Variants in POLN observed in about 807,000 individuals in gnomAD.
POLN encodes the protein DNA polymerase nu, also known as DNA polymerase N.
A neutral mutation model predicts 113.5 loss-of-function variants in POLN; 108 were observed. The ratio of observed to expected loss-of-function variants is 0.95; its 90% CI spans 0.81 to 1.12. The LOEUF is 1.12. Among genes scored for constraint, POLN ranks in the 50% most tolerant of loss-of-function variants. POLN has a pLI of 0.00. For synonymous variants in POLN, 386 were observed against 391.5 expected, an observed-to-expected ratio of 0.99 and a Z score of 0.17; for missense variants, 1,097 against 1,077.1, an observed-to-expected ratio of 1.02 and a Z score of -0.26.
chr4:2,227,566 A>T (rs1734428875), intron 3 of POLN: 2 of 152,228 alleles, frequency 1.3e-5, no homozygotes, highest in Admixed American at 6.5e-5. Flanking sequence ...CAAGAGAGAA[A>T]AGTAGTATCA....
intron 19 of POLN, among the ~76,000 whole-genome samples, chr4:2,116,012 C>T (rs1036475467): frequency 3.9e-5 from 6 of 152,338 alleles, no homozygotes; most frequent in Admixed American, 3.3e-4. Context: ...CATCCCATTC[C>T]AGCTTTCTGC....
At chr4:2,198,854 T>C in intron 5 of POLN, 137 bp from the exon 6 acceptor site, 3 of 896,032 alleles carry the variant, frequency 3.3e-6, no homozygotes, top group Non-Finnish European at 4.9e-6. Flanking sequence ...TAATGACAAT[T>C]GAGGGCCAAA....
intron 7 of POLN, among the ~76,000 whole-genome samples, chr4:2,187,124 C>T (rs918680617): frequency 6.6e-6 from 1 of 152,060 alleles, no homozygotes; most frequent in Non-Finnish European, 1.5e-5. Context: ...TAGAAAATTG[C>T]CTCAAAAGAG....
Position 2,129,222 on chromosome 4 carries a change from C to T in POLN, c.1824G>A (p.Arg608=), listed in dbSNP as rs962357641. 21 of 1,600,560 alleles carry T rather than the reference C, an allele frequency of 1.3e-5. No homozygotes were observed. Among genetic ancestry groups the T allele is most frequent in the Non-Finnish European group, 1.7e-5 (20 of 1,167,912 alleles). The change falls in exon 18 of 26, where the codon AGG becomes AGA. Residue 608 remains arginine, a synonymous_variant. Coordinates refer to ENST00000511885, the MANE Select transcript of POLN (RefSeq NM_181808.4). ...KEDKILTISP[R]AMFVSSKGHT... ...GGCCTTTGGATGAAACAAACATGGCCCTCGGGGAGATCGTGAGAATCTTGT... is the reference window on the plus strand; with the variant it reads ...GGCCTTTGGATGAAACAAACATGGCTCTCGGGGAGATCGTGAGAATCTTGT...
chr4:2,097,453 T>C (rs1009535166), intron 19 of POLN, among the ~76,000 whole-genome samples: 3 of 151,938 alleles, frequency 2.0e-5, no homozygotes, highest in Non-Finnish European at 2.9e-5. Context: ...TGGGGTCAAG[T>C]GATTCTCCTG....
At chr4:2,122,282 G>T (rs1731461441) in intron 19 of POLN, among the ~76,000 whole-genome samples, 1 of 152,148 alleles carries the variant, frequency 6.6e-6, no homozygotes, top group Non-Finnish European at 1.5e-5. Context: ...GAGAGCAGGG[G>T]TGTTATTAAA....
At chr4:2,225,483 A>AG (rs887685985) in intron 3 of POLN, among the ~76,000 whole-genome samples, 9 of 151,186 alleles carry the variant, frequency 6.0e-5, no homozygotes, top group African/African-American at 1.7e-4. Context: ...TGAACCCAGG[A>AG]GGGGGGGTTG....
intron 6 of POLN, among the ~76,000 whole-genome samples, chr4:2,196,522 C>T (rs1733577198): frequency 6.6e-6 from 1 of 152,048 alleles, no homozygotes; most frequent in African/African-American, 2.4e-5. Flanking sequence ...CCACCCAATG[C>T]TATGTCCTGA....
chr4:2,229,423 G>T, intron 2 of POLN, 180 bp from the exon 3 acceptor site: 1 of 474,640 alleles, frequency 2.1e-6, no homozygotes, highest in Non-Finnish European at 3.6e-6. Flanking sequence ...AAGCAAAATA[G>T]CTAGAGGCTT....
chr4:2,134,714 G>A (rs748257907), intron 16 of POLN, among the ~76,000 whole-genome samples: 10 of 152,060 alleles, frequency 6.6e-5, no homozygotes, highest in Admixed American at 3.9e-4. Flanking sequence ...GCAGGCTGGG[G>A]GTCTGTCACA....
chr4:2,137,632 C>T (rs1174099184), intron 16 of POLN, among the ~76,000 whole-genome samples: 1 of 152,148 alleles, frequency 6.6e-6, no homozygotes, highest in Non-Finnish European at 1.5e-5. Flanking sequence ...CCGTGGCCCC[C>T]CTCACCCACT....
chr4:2,121,248 A>G (rs1488403187), intron 19 of POLN, among the ~76,000 whole-genome samples: 1 of 152,084 alleles, frequency 6.6e-6, no homozygotes, highest in Non-Finnish European at 1.5e-5. Context: ...CAGGCTGGCC[A>G]ACATGCTGAA....
At chr4:2,136,638 T>G (rs1731864971) in intron 16 of POLN, among the ~76,000 whole-genome samples, 1 of 152,238 alleles carries the variant, frequency 6.6e-6, no homozygotes, top group South Asian at 2.1e-4. Context: ...TCAGTAGCTG[T>G]TAGTGGAATG....
At chr4:2,193,645 C>T (rs904467626) in intron 6 of POLN, among the ~76,000 whole-genome samples, 1 of 152,192 alleles carries the variant, frequency 6.6e-6, no homozygotes, top group Admixed American at 6.5e-5. Context: ...CAAGATGACT[C>T]TCTAGCCCGT....
At chr4:2,211,225 G>A (rs1733985150) in intron 4 of POLN, among the ~76,000 whole-genome samples, 1 of 148,232 alleles carries the variant, frequency 6.7e-6, no homozygotes, top group Middle Eastern at 3.2e-3. Flanking sequence ...CTCCAGTGCA[G>A]GTGACAGAGC....
At chr4:2,131,833 C>A (rs1322188296) in intron 16 of POLN, among the ~76,000 whole-genome samples, 2 of 152,168 alleles carry the variant, frequency 1.3e-5, no homozygotes, top group African/African-American at 4.8e-5. Context: ...ACTTTTACAA[C>A]TTGGGCAATG....
intron 3 of POLN, among the ~76,000 whole-genome samples, chr4:2,225,490 G>T (rs1331244284): frequency 6.6e-6 from 1 of 151,776 alleles, no homozygotes; most frequent in South Asian, 2.1e-4. Flanking sequence ...AGGAGGGGGG[G>T]TTGCAGTGAG....
At chr4:2,214,966 TC>T (rs1489494369) in intron 3 of POLN, among the ~76,000 whole-genome samples, 1 of 151,718 alleles carries the variant, frequency 6.6e-6, no homozygotes, top group Non-Finnish European at 1.5e-5. Flanking sequence ...GACAGAGTGC[TC>T]TTGCCTTAAC....
chr4:2,090,064 T>C, intron 20 of POLN: 1 of 903,896 alleles, frequency 1.1e-6, no homozygotes, highest in South Asian at 1.5e-5. Flanking sequence ...TAATCCATAT[T>C]TTCCTACTGA....
Sources: allele counts gnomAD v4.1 joint callset (sites outside exome capture counted in the v4.1 genomes callset), GRCh38; gene constraint gnomAD v4.1.1; transcripts MANE v1.5; gene names NCBI Gene and HGNC (gene_info 2026-07-23, HGNC 2026-07-21).